The following CAMSAP1 variants were observed in gnomAD, a reference collection of about 807,000 sequenced individuals.
CAMSAP1 encodes calmodulin-regulated spectrin-associated protein 1.
A neutral mutation model predicts 143.5 loss-of-function variants in CAMSAP1; 58 were observed. The ratio of observed to expected loss-of-function variants is 0.40; its 90% CI spans 0.33 to 0.50. CAMSAP1 has a LOEUF of 0.50. Among genes scored for constraint, CAMSAP1 ranks in the 20% least tolerant of loss-of-function variants. The pLI is 0.45. For missense variants in CAMSAP1, 1,969 were observed against 2,115.7 expected (o/e 0.93, Z 1.36); for synonymous variants, 945 against 859.3 (o/e 1.10, Z -1.74).
At chr9:135,880,242 A>G (rs1354779670) in intron 3 of CAMSAP1, among the ~76,000 whole-genome samples, 35 of 152,098 alleles carry the variant, frequency 2.3e-4, no homozygotes, top group Admixed American at 2.3e-3. Flanking sequence ...AGGCCTGAAC[A>G]CCATTTTCCA....
intron 1 of CAMSAP1, among the ~76,000 whole-genome samples, chr9:135,895,149 G>T (rs1415232961): frequency 6.6e-6 from 1 of 152,138 alleles, no homozygotes; most frequent in Non-Finnish European, 1.5e-5. Flanking sequence ...TATCACCGGA[G>T]CCCAGATCAA....
chr9:135,864,562 T>C (rs1837307867), intron 4 of CAMSAP1, among the ~76,000 whole-genome samples: 1 of 151,982 alleles, frequency 6.6e-6, no homozygotes, highest in Non-Finnish European at 1.5e-5. Context: ...ATCCAAAAGT[T>C]CCCGAGAAAG....
chr9:135,828,696 T>C (rs1055649715), intron 7 of CAMSAP1, among the ~76,000 whole-genome samples: 7 of 152,236 alleles, frequency 4.6e-5, no homozygotes, highest in Non-Finnish European at 1.0e-4. Flanking sequence ...GTATCCCTGC[T>C]GGCCCCACGC....
chr9:135,819,672 TAAAAAAAAAA>T (rs55894826), intron 11 of CAMSAP1, among the ~76,000 whole-genome samples: 7 of 104,632 alleles, frequency 6.7e-5, no homozygotes, highest in Non-Finnish European at 1.1e-4. Context: ...TGTCTCCACT[TAAAAAAAAAA>T]AAAAAAAAAA....
At chr9:135,813,222 G>C (rs1271816386) in intron 16 of CAMSAP1, among the ~76,000 whole-genome samples, 1 of 152,194 alleles carries the variant, frequency 6.6e-6, no homozygotes, top group East Asian at 1.9e-4. Flanking sequence ...CCTCTCCCAA[G>C]TGTGCGGCAG....
rs1835718089 is a variant in CAMSAP1 at position 135,827,520 on chromosome 9, G to A, written c.1110C>T (p.Arg370=). Reference sequence around the variant, plus strand: ...CTGCAGCAGGGCTGCCTAGGAAACTGCGTTTGGTCGCGTTGGAGATCGGTA... The same window carrying A: ...CTGCAGCAGGGCTGCCTAGGAAACTACGTTTGGTCGCGTTGGAGATCGGTA... ...PPVPISNATK[R]SFLGSPAAGT... The change falls in exon 8 of 17, where the codon CGC becomes CGT. Residue 370 remains arginine, a synonymous_variant. Coordinates refer to ENST00000389532, the MANE Select transcript of CAMSAP1 (RefSeq NM_015447.4). 1 of 1,612,512 alleles carries A rather than the reference G, an allele frequency of 6.2e-7. No homozygotes were observed. Among genetic ancestry groups the A allele is most frequent in the South Asian group, 1.1e-5 (1 of 91,004 alleles).
intron 1 of CAMSAP1, among the ~76,000 whole-genome samples, chr9:135,895,642 A>G (rs1467515243): frequency 6.6e-6 from 1 of 152,242 alleles, no homozygotes; most frequent in Non-Finnish European, 1.5e-5. Flanking sequence ...AGACATGAGT[A>G]ATGAGTAAAT....
At chr9:135,814,896 T>C (rs1297642590) in intron 16 of CAMSAP1, among the ~76,000 whole-genome samples, 1 of 152,202 alleles carries the variant, frequency 6.6e-6, no homozygotes. Flanking sequence ...TGGGTGTTCC[T>C]CCAGCACAGG....
rs185134167 is a variant in CAMSAP1 at position 135,844,045 on chromosome 9, C to T, written c.1045+6092G>A. Among the ~76,000 whole-genome samples, 779 of 152,038 alleles carry T rather than the reference C, an allele frequency of 5.1e-3. 5 individuals are homozygous for T. Among genetic ancestry groups the T allele is most frequent in the African/African-American group, 0.018 (747 of 41,454 alleles). On this transcript the variant is annotated intron_variant, in intron 7 of 16. Coordinates refer to ENST00000389532, the MANE Select transcript of CAMSAP1 (RefSeq NM_015447.4). ...ACCCCACTGTCAATATTAGACAGATCGGGACAGAAAATTAACAATACTCAG... is the reference window on the plus strand; with the variant it reads ...ACCCCACTGTCAATATTAGACAGATTGGGACAGAAAATTAACAATACTCAG...
Position 135,810,409 on chromosome 9 carries a change from C to CAGCA in CAMSAP1, c.*899_*900insTGCT, listed in dbSNP as rs1259590135. 6.6e-6 allele frequency: 1 copy of CAGCA among 152,190 alleles called. No individual in the cohort carries two copies. The highest frequency in any genetic ancestry group is 1.5e-5 in the Non-Finnish European group (1 of 68,024). The allele number at this position is 152,190 out of a possible 1,614,324, so 9.4% of individuals were successfully genotyped here. ...CATCACCTTTTGGGACAAACATGCT[C>CAGCA]AGAATGAAAAATATTCTACTTTACC... On this transcript the variant is annotated 3_prime_UTR_variant, in exon 17 of 17. Coordinates refer to ENST00000389532, the MANE Select transcript of CAMSAP1 (RefSeq NM_015447.4).
At chr9:135,886,061 TAAAA>T (rs35789822) in intron 1 of CAMSAP1, among the ~76,000 whole-genome samples, 2 of 145,958 alleles carry the variant, frequency 1.4e-5, no homozygotes, top group African/African-American at 2.5e-5. Context: ...AATACCTACT[TAAAA>T]AAAAAAAAAA....
Position 135,862,591 on chromosome 9 carries a change from C to T in CAMSAP1, c.684G>A (p.Glu228=). The T allele has an allele frequency of 1.3e-6, 2 of 1,551,698 alleles. No individual in the cohort carries two copies. ...AGGGTGACTGCCTAGCAGAAAGGTG[C>T]TCTCGTCGATAGCGGACCTGTAGTT... is the stretch of plus-strand genomic sequence containing the variant. The part of the protein sequence containing the change: ...PAHQKVRYRR[E]HLSARQSPYF... The change falls in exon 5 of 17, where the codon GAG becomes GAA. Residue 228 remains glutamate (E), a synonymous_variant. Transcript: ENST00000389532.
intron 3 of CAMSAP1, among the ~76,000 whole-genome samples, chr9:135,878,501 T>C (rs933027944): frequency 6.6e-6 from 1 of 152,234 alleles, no homozygotes; most frequent in South Asian, 2.1e-4. Context: ...TCAGACCTTA[T>C]GCATCAAAGA....
At position 135,812,955 on chromosome 9, in the gene CAMSAP1, C is replaced by CA. The variant is rs753419702; in HGVS notation, c.4507-1345dup. On this transcript the variant is annotated intron_variant, in intron 16 of 16. Transcript: ENST00000389532. ...TGGGCGACAGAGTGAGACTCCATCT[C>CA]AAAAAAAAAAAAAAGAAGAATCTGA... 3.7e-3 allele frequency among the ~76,000 whole-genome samples: 455 copies of CA among 121,824 alleles called. 3 individuals carry two copies. The highest frequency in any genetic ancestry group is 8.2e-3 in the African/African-American group (267 of 32,660). The allele number at this position is 121,824 out of a possible 152,430, so 79.9% of individuals were successfully genotyped here.
chr9:135,837,119 C>T (rs1013351500), intron 7 of CAMSAP1, among the ~76,000 whole-genome samples: 7 of 149,874 alleles, frequency 4.7e-5, no homozygotes, highest in African/African-American at 1.7e-4. Context: ...CACGTCACCA[C>T]GGACGTTCTA....
At position 135,826,452 on chromosome 9, in the gene CAMSAP1, GGT is replaced by G. The variant is rs1486322623; in HGVS notation, c.1223+953_1223+954del. On this transcript the variant is annotated intron_variant, in intron 8 of 16. Coordinates refer to ENST00000389532, the MANE Select transcript of CAMSAP1 (RefSeq NM_015447.4). The surrounding 1 kb of genome is among the most constrained non-coding windows in gnomAD (Gnocchi z 4.4). ...CTCCCTCAGCTATGCCCCACCCCTGGGTGTGTACCCCCCCACCACTGCCTGTA... is the reference window on the plus strand; with the variant it reads ...CTCCCTCAGCTATGCCCCACCCCTGGGTGTACCCCCCCACCACTGCCTGTA... The G allele has an allele frequency of 2.0e-5, 3 of 152,208 alleles. No individual in the cohort carries two copies. Among genetic ancestry groups the G allele is most frequent in the Non-Finnish European group, 4.4e-5 (3 of 68,064 alleles). 9.4% of individuals were successfully genotyped at this position (152,208 alleles called of 1,614,324 possible). A position where few individuals can be genotyped will look rare whatever the true frequency, so the allele number is the denominator to read the frequency against.
intron 4 of CAMSAP1, among the ~76,000 whole-genome samples, chr9:135,866,173 G>A (rs1422229265): frequency 1.3e-5 from 2 of 152,164 alleles, no homozygotes; most frequent in African/African-American, 4.8e-5. Flanking sequence ...GCACCCAGGT[G>A]GGCCCTACGT....
chr9:135,864,526 T>C (rs10116440), intron 4 of CAMSAP1, among the ~76,000 whole-genome samples: 48,131 of 151,856 alleles, frequency 0.32, 8,416 homozygotes, highest in African/African-American at 0.47. Flanking sequence ...TAATGGAGTA[T>C]GCATAAAGCC....
chr9:135,823,809 T>C (rs1835574369), intron 10 of CAMSAP1, 141 bp downstream of exon 10: 1 of 670,608 alleles, frequency 1.5e-6, no homozygotes, highest in African/African-American at 1.8e-5. Flanking sequence ...TTCCTAGTGT[T>C]GTTATAAAAA....
Sources: gnomAD v4.1 joint callset for allele counts (sites outside exome capture counted in the v4.1 genomes callset) on GRCh38, gnomAD v4.1.1 for gene constraint, Gnocchi (gnomAD v3.1) non-coding constraint, MANE v1.5 for transcripts, NCBI Gene and HGNC (gene_info 2026-07-23, HGNC 2026-07-21) for gene names.